Variants in CKAP5 observed in about 807,000 individuals in gnomAD.
CKAP5 encodes the protein cytoskeleton-associated protein 5.
In CKAP5, 27 loss-of-function variants were observed where a neutral mutation model predicts 232.8. The ratio of observed to expected loss-of-function variants is 0.12; its 90% CI spans 0.09 to 0.16. The LOEUF (loss-of-function observed/expected upper bound fraction) is 0.16. CKAP5 is among the 10% of genes least tolerant of loss of function. The probability of loss-of-function intolerance (pLI) is 1.00; values close to 1 mark genes in which losing one functional copy is unlikely to be tolerated. For synonymous variants in CKAP5, 785 were observed against 841.1 expected (o/e 0.93, Z 1.16); for missense variants, 1,838 against 2,424.7 (o/e 0.76, Z 5.08).
At chr11:46,841,224 T>G (rs1204442503) in intron 1 of CKAP5, among the ~76,000 whole-genome samples, 1 of 150,244 alleles carries the variant, frequency 6.7e-6, no homozygotes, top group Non-Finnish European at 1.5e-5. Flanking sequence ...CAGCCAAGAC[T>G]GCGCCACCGC....
At chr11:46,803,961 G>T (rs954567866) in intron 8 of CKAP5, among the ~76,000 whole-genome samples, 3 of 152,150 alleles carry the variant, frequency 2.0e-5, no homozygotes, top group African/African-American at 7.2e-5. Context: ...TCAAAAACAT[G>T]TAAGATCCCA....
At chr11:46,765,286 A>G in intron 27 of CKAP5, 30 bp from the exon 28 acceptor site, 1 of 1,571,746 alleles carries the variant, frequency 6.4e-7, no homozygotes, top group Non-Finnish European at 8.6e-7. Context: ...AATACTGATT[A>G]GCTTGGCCAC....
intron 11 of CKAP5, 125 bp downstream of exon 11, chr11:46,797,680 G>C (rs1938911919): frequency 6.6e-6 from 6 of 906,314 alleles, no homozygotes; most frequent in Non-Finnish European, 1.0e-5. Context: ...AGCTGCAAAG[G>C]CTCTGCTCCT....
intron 22 of CKAP5, among the ~76,000 whole-genome samples, chr11:46,777,887 C>T (rs924689086): frequency 5.3e-5 from 8 of 152,124 alleles, no homozygotes; most frequent in Non-Finnish European, 8.8e-5. Flanking sequence ...GTATTACAAG[C>T]AGTTTTATAC....
intron 37 of CKAP5, 54 bp downstream of exon 37, chr11:46,753,256 T>C: frequency 1.4e-6 from 2 of 1,418,728 alleles, no homozygotes; most frequent in East Asian, 2.4e-5. Flanking sequence ...GGTTTCTAAG[T>C]GTAAACAAAA....
chr11:46,825,960 TC>T (rs1939642185), intron 1 of CKAP5, among the ~76,000 whole-genome samples: 2 of 152,020 alleles, frequency 1.3e-5, no homozygotes, highest in South Asian at 4.2e-4. Flanking sequence ...GACAACACTT[TC>T]CCTCAAATTA....
At chr11:46,806,357 T>C (rs1044907391) in intron 8 of CKAP5, among the ~76,000 whole-genome samples, 6 of 152,228 alleles carry the variant, frequency 3.9e-5, no homozygotes, top group Admixed American at 1.3e-4. Context: ...AGGTTTTCTT[T>C]GACACATCGA....
In CKAP5 at chr11:46,790,586, A is replaced by G; in HGVS notation, c.1651-3T>C. The G allele has an allele frequency of 1.9e-6, 3 of 1,597,496 alleles. No homozygotes were observed. Among genetic ancestry groups the G allele is most frequent in the Non-Finnish European group, 2.6e-6 (3 of 1,168,516 alleles). The stretch of plus-strand genomic sequence containing the variant: ...CCCTTTTTTGGTGGCCCACCAGCCT[A>G]AAAACAATTTAAAAAATAAAAATTA... On this transcript the variant is annotated splice_region_variant and splice_polypyrimidine_tract_variant and intron_variant, in intron 13 of 43. Transcript: ENST00000529230.
chr11:46,780,098 G>C, intron 20 of CKAP5, 96 bp downstream of exon 20: 5 of 1,339,246 alleles, frequency 3.7e-6, no homozygotes, highest in Non-Finnish European at 5.3e-6. Flanking sequence ...CTCCTGAGTA[G>C]CTGGGACTAC....
chr11:46,752,193 T>TATATATATATACAC (rs1408030107), intron 38 of CKAP5, among the ~76,000 whole-genome samples: 39 of 66,522 alleles, frequency 5.9e-4, no homozygotes, highest in African/African-American at 2.0e-3. Context: ...TATATATATA[T>TATATATATATACAC]ACACACACAC....
chr11:46,748,000 C>T (rs556094215), intron 42 of CKAP5, among the ~76,000 whole-genome samples: 17 of 151,762 alleles, frequency 1.1e-4, no homozygotes, highest in South Asian at 6.3e-4. Flanking sequence ...GCCATGATTG[C>T]GCCACTGCAC....
chr11:46,755,132 A>G (rs1055446875), intron 35 of CKAP5, 65 bp from the exon 36 acceptor site: 2 of 1,234,932 alleles, frequency 1.6e-6, no homozygotes, highest in South Asian at 1.6e-5. Context: ...GGAAGACACT[A>G]TATGAAACTT....
rs1422181698 is a variant in CKAP5, at chr11:46,753,345, C to T, written c.5022G>A (p.Lys1674=). Residue 1674 remains lysine, a synonymous_variant, in exon 37 of 44, where the codon AAG becomes AAA. Transcript: ENST00000529230. The part of the protein sequence containing the change: ...VIRSVNLLVV[K]VLEKSDQTNI... Reference sequence around the variant, plus strand: ...TGGTCTGGTCTGACTTCTCCAGAACCTTCACCACCAAGAGGTTCACAGAGC... The same window carrying T: ...TGGTCTGGTCTGACTTCTCCAGAACTTTCACCACCAAGAGGTTCACAGAGC... The T allele has an allele frequency of 6.2e-7, 1 of 1,613,066 alleles. No individual in the cohort carries two copies. Among genetic ancestry groups the T allele is most frequent in the South Asian group, 1.1e-5 (1 of 91,032 alleles).
chr11:46,763,566 G>T lies in CKAP5; in HGVS notation c.3602C>A (p.Ser1201Tyr), dbSNP rs1210509302. 2 of 1,603,348 alleles carry T rather than the reference G, an allele frequency of 1.2e-6. No individual in the cohort carries two copies. Among genetic ancestry groups the T allele is most frequent in the East Asian group, 4.5e-5 (2 of 44,570 alleles). ...EYIEQLKTQM[S>Y]SCVAKWLQDE... The stretch of plus-strand genomic sequence containing the variant: ...TTGTAACCATTTAGCCACACAGCTA[G>T]ACATTTGAGTCTTTAGTTGCTCAAT... Residue 1201 changes from serine to tyrosine, a missense_variant, in exon 29 of 44, where the codon TCT becomes TAT. Around this residue, in one of 6 missense-constraint regions of CKAP5, gnomAD observed 767 missense variants for 954.6 expected, o/e 0.80. Coordinates refer to ENST00000529230, the MANE Select transcript of CKAP5 (RefSeq NM_001008938.4).
At chr11:46,835,405 C>T (rs1565759494) in intron 1 of CKAP5, among the ~76,000 whole-genome samples, 1 of 150,966 alleles carries the variant, frequency 6.6e-6, no homozygotes, top group South Asian at 2.1e-4. Flanking sequence ...ATGTCTAATT[C>T]TAGGGTTAGA....
Position 46,818,491 on chromosome 11 carries a change from T to G in CKAP5, c.70A>C (p.Arg24=), listed in dbSNP as rs1939456649. 1.9e-6 allele frequency: 3 copies of G among 1,569,910 alleles called. No homozygotes were observed. Among genetic ancestry groups the G allele is most frequent in the Non-Finnish European group, 2.6e-6 (3 of 1,164,086 alleles). Residue 24 remains arginine (R), a synonymous_variant, in exon 3 of 44, where the codon AGG becomes CGG. Transcript: ENST00000529230. ...QKCEHKLWKA[R]LSGYEEALKI... ...AGGGCCTCTTCATACCCACTTAACC[T>G]TGCTTTCCACAGCTAAAAGAAAAGT...
intron 16 of CKAP5, among the ~76,000 whole-genome samples, chr11:46,788,476 A>T (rs2065418038): frequency 6.6e-6 from 1 of 152,158 alleles, no homozygotes; most frequent in African/African-American, 2.4e-5. Flanking sequence ...CGGGAGGCTG[A>T]GGCAGGAGAA....
rs1418333255 is a variant in CKAP5 at position 46,795,779 on chromosome 11, G to GGA, written c.1468-5_1468-4dup. 6.2e-6 allele frequency: 10 copies of GGA among 1,610,730 alleles called. No individual in the cohort carries two copies. Among genetic ancestry groups the GGA allele is most frequent in the Non-Finnish European group, 8.5e-6 (10 of 1,177,836 alleles). On this transcript the variant is annotated splice_region_variant and splice_polypyrimidine_tract_variant and intron_variant, in intron 12 of 43. Coordinates refer to ENST00000529230, the MANE Select transcript of CKAP5 (RefSeq NM_001008938.4). ...ACCTTTTCTGAACATTCTTTGATCT[G>GGA]GAGAATGAAAGTGAGATGAACATCA...
intron 29 of CKAP5, 75 bp from the exon 30 acceptor site, chr11:46,763,254 T>C: frequency 2.4e-6 from 3 of 1,265,446 alleles, no homozygotes; most frequent in Non-Finnish European, 3.3e-6. Context: ...AAGTGTCTTT[T>C]AAATTTTATT....
Sources: allele counts gnomAD v4.1 joint callset (sites outside exome capture counted in the v4.1 genomes callset), GRCh38; gene constraint gnomAD v4.1.1; regional missense constraint gnomAD v4.1.1; transcripts MANE v1.5; gene names NCBI Gene and HGNC (gene_info 2026-07-23, HGNC 2026-07-21).